Variants in CSMD1 observed in about 807,000 individuals in gnomAD.
The protein encoded by CSMD1 is CUB and Sushi multiple domains 1, also known as CUB and sushi domain-containing protein 1.
CSMD1 carries 213 observed loss-of-function variants against 417.5 expected under a neutral mutation model. The ratio of observed to expected loss-of-function variants is 0.51; its 90% CI spans 0.46 to 0.57. The LOEUF (loss-of-function observed/expected upper bound fraction) is 0.57. Ranked by LOEUF, CSMD1 falls within the 20% of genes least tolerant of loss-of-function variation. The pLI is 0.00. For missense variants in CSMD1, 6,923 were observed against 4,529.7 expected (o/e 1.53, Z -15.17); for synonymous variants, 2,862 against 1,736.8 (o/e 1.65, Z -16.11).
intron 7 of CSMD1, chr8:3,704,734 C>G (rs1224835642): frequency 1.3e-5 from 2 of 152,182 alleles, no homozygotes; most frequent in East Asian, 3.9e-4. Flanking sequence ...ACAACCAGAC[C>G]ACTGACCTTG....
At chr8:4,879,219 T>C (rs1803243009) in intron 1 of CSMD1, among the ~76,000 whole-genome samples, 1 of 151,992 alleles carries the variant, frequency 6.6e-6, no homozygotes. Flanking sequence ...CAGCGTTTCA[T>C]GAACAGGGAC....
chr8:4,224,944 C>A (rs1801257783), intron 3 of CSMD1, among the ~76,000 whole-genome samples: 1 of 152,038 alleles, frequency 6.6e-6, no homozygotes, highest in Non-Finnish European at 1.5e-5. Context: ...AACCCCATCA[C>A]TAATAAAATT....
rs192193175 is a variant in CSMD1 at position 4,402,333 on chromosome 8, C to T, written c.415+17620G>A. ...TCCCTCCTTCAAATCTATACTTCAT[C>T]ATCACACTCCTTCCCCTGACTGCAC... On this transcript the variant is annotated intron_variant, in intron 3 of 69. Coordinates refer to ENST00000635120, the MANE Select transcript of CSMD1 (RefSeq NM_033225.6). Among the ~76,000 whole-genome samples, 11 of 152,116 alleles carry T rather than the reference C, an allele frequency of 7.2e-5. No homozygotes were observed. The East Asian group carries it at 9.7e-4, about 13-fold the overall frequency.
At chr8:3,246,317 C>G (rs1481904145) in intron 26 of CSMD1, among the ~76,000 whole-genome samples, 1 of 152,138 alleles carries the variant, frequency 6.6e-6, no homozygotes. Flanking sequence ...ACACGGTTCC[C>G]TGAAATGCTC....
chr8:3,577,082 G>C (rs930999145), intron 9 of CSMD1, among the ~76,000 whole-genome samples: 1 of 152,138 alleles, frequency 6.6e-6, no homozygotes, highest in Non-Finnish European at 1.5e-5. Context: ...TACTGACAAG[G>C]TGGGCTCAGC....
At chr8:3,697,994 A>G (rs988391249) in intron 7 of CSMD1, among the ~76,000 whole-genome samples, 1 of 152,196 alleles carries the variant, frequency 6.6e-6, no homozygotes, top group Non-Finnish European at 1.5e-5. Flanking sequence ...CAATTTAACC[A>G]CCTGTAATCC....
intron 1 of CSMD1, among the ~76,000 whole-genome samples, chr8:4,714,559 G>A (rs1808522060): frequency 6.6e-6 from 1 of 152,076 alleles, no homozygotes; most frequent in South Asian, 2.1e-4. Context: ...AAGAGAAGTC[G>A]GAACTTTCCC....
At chr8:3,787,892 C>G (rs1403466839) in intron 5 of CSMD1, among the ~76,000 whole-genome samples, 1 of 152,158 alleles carries the variant, frequency 6.6e-6, no homozygotes, top group Non-Finnish European at 1.5e-5. Context: ...GAGTGTTACT[C>G]TATTTTGCCA....
At chr8:3,654,665 G>C (rs2469394) in intron 7 of CSMD1, among the ~76,000 whole-genome samples, 135,501 of 152,254 alleles carry the variant, frequency 0.89, 60,415 homozygotes, top group Non-Finnish European at 0.92. Context: ...TTTGTGATAT[G>C]CTAAGTAAGA....
chr8:3,771,431 A>G (rs376182968), intron 5 of CSMD1, among the ~76,000 whole-genome samples: 2 of 152,204 alleles, frequency 1.3e-5, no homozygotes, highest in East Asian at 1.9e-4. Context: ...TGCAGATGAT[A>G]GCAAGTTCTT....
intron 12 of CSMD1, among the ~76,000 whole-genome samples, chr8:3,452,730 T>A (rs540488091): frequency 6.6e-6 from 1 of 152,222 alleles, no homozygotes; most frequent in Non-Finnish European, 1.5e-5. Flanking sequence ...AGTATTTTAT[T>A]GAGGATTTTT....
chr8:4,825,383 G>C (rs772066573), intron 1 of CSMD1, among the ~76,000 whole-genome samples: 6 of 152,048 alleles, frequency 3.9e-5, no homozygotes, highest in Non-Finnish European at 8.8e-5. Flanking sequence ...CGCTTCACCA[G>C]TTATTCAGCA....
At chr8:3,714,549 C>G (rs890978360) in intron 6 of CSMD1, among the ~76,000 whole-genome samples, 2 of 18,022 alleles carry the variant, frequency 1.1e-4, no homozygotes, top group Non-Finnish European at 2.0e-4. Flanking sequence ...TGGCGAAACC[C>G]CATCTCTATC....
rs564268546 is a variant in CSMD1 at position 3,355,365 on chromosome 8, C to G, written c.3304+3787G>C. ...AACATTTATCTCCATCATATATACT[C>G]TCTAACTTTGCTCCTGATCTTTTGA... is the stretch of plus-strand genomic sequence containing the variant. On this transcript the variant is annotated intron_variant, in intron 21 of 69. Coordinates refer to ENST00000635120, the MANE Select transcript of CSMD1 (RefSeq NM_033225.6). Among the ~76,000 whole-genome samples the G allele has an allele frequency of 3.3e-5, 5 of 152,308 alleles. No individual in the cohort carries two copies. The South Asian group carries it at 1.0e-3, about 32-fold the overall frequency.
chr8:4,730,131 T>C (rs1005887810), intron 1 of CSMD1, among the ~76,000 whole-genome samples: 4 of 152,124 alleles, frequency 2.6e-5, no homozygotes, highest in African/African-American at 7.2e-5. Flanking sequence ...CATTGAGAAG[T>C]ACTTGGAGAG....
intron 1 of CSMD1, among the ~76,000 whole-genome samples, chr8:4,867,804 T>C (rs1167416861): frequency 6.6e-6 from 1 of 152,094 alleles, no homozygotes; most frequent in Non-Finnish European, 1.5e-5. Context: ...ATAAATACAT[T>C]CATTTTACTA....
At position 4,378,837 on chromosome 8, in the gene CSMD1, A is replaced by G. The variant is rs114973188; in HGVS notation, c.415+41116T>C. 7.0e-3 allele frequency among the ~76,000 whole-genome samples: 1,064 copies of G among 152,314 alleles called. 17 individuals carry two copies. Among genetic ancestry groups the G allele is most frequent in the African/African-American group, 0.024 (995 of 41,562 alleles). Reference sequence around the variant, plus strand: ...TTCCCCTTCTGCCATGTGAGGACACATAGAAGGCATAATCTATGAAACAGA... The same window carrying G: ...TTCCCCTTCTGCCATGTGAGGACACGTAGAAGGCATAATCTATGAAACAGA... On this transcript the variant is annotated intron_variant, in intron 3 of 69. Transcript: ENST00000635120.
intron 3 of CSMD1, among the ~76,000 whole-genome samples, chr8:4,184,744 C>T (rs541933012): frequency 2.0e-5 from 3 of 148,520 alleles, no homozygotes; most frequent in African/African-American, 5.0e-5. Context: ...CTAATGGGTA[C>T]TGGGCTTAAT....
chr8:4,154,811 A>C (rs34335386), intron 3 of CSMD1, among the ~76,000 whole-genome samples: 3 of 152,184 alleles, frequency 2.0e-5, no homozygotes, highest in South Asian at 4.1e-4. Flanking sequence ...TGAATGTTGG[A>C]AAGAGAGGCA....
Sources: gnomAD v4.1 joint callset for allele counts (sites outside exome capture counted in the v4.1 genomes callset) on GRCh38, gnomAD v4.1.1 for gene constraint, MANE v1.5 for transcripts, NCBI Gene and HGNC (gene_info 2026-07-23, HGNC 2026-07-21) for gene names.